ABCG8: variants seen among roughly 807,000 people sequenced by gnomAD.
ABCG8 encodes the protein ATP binding cassette subfamily G member 8.
Under a neutral mutation model 71.3 loss-of-function variants are expected in ABCG8, and 81 were observed. The ratio of observed to expected loss-of-function variants is 1.14; its 90% CI spans 0.95 to 1.37. The LOEUF is 1.37. Ranked by LOEUF, ABCG8 falls within the 40% of genes most tolerant of loss-of-function variation. The pLI is 0.00. For synonymous variants in ABCG8, 451 were observed against 354.7 expected (o/e 1.27, Z -3.05); for missense variants, 1,119 against 866.2 (o/e 1.29, Z -3.66).
chr2:43,861,707 C>T (rs1301696085), intron 6 of ABCG8, among the ~76,000 whole-genome samples: 2 of 149,838 alleles, frequency 1.3e-5, no homozygotes, highest in African/African-American at 2.4e-5. Flanking sequence ...ATAGAATTCT[C>T]ACTCCCCAGA....
rs1670137157 is a variant in ABCG8, at chr2:43,881,728, CA to C, written c.*3817del. The C allele has an allele frequency of 6.9e-6, 1 of 144,744 alleles. No individual in the cohort carries two copies. The highest frequency in any genetic ancestry group is 2.6e-5 in the African/African-American group (1 of 38,874). The allele number at this position is 144,744 out of a possible 1,614,324, so 9.0% of individuals were successfully genotyped here. On this transcript the variant is annotated 3_prime_UTR_variant, in exon 13 of 13. Transcript: ENST00000272286. ...GTCTCAAAAAAAAAAAAAAAAAACCCAAGGCTCTCGAGGCATGCATGCTGTT... is the reference window on the plus strand; with the variant it reads ...GTCTCAAAAAAAAAAAAAAAAAACCCAGGCTCTCGAGGCATGCATGCTGTT...
At chr2:43,873,753 G>C (rs770999783) in intron 8 of ABCG8, 34 bp from the exon 9 acceptor site, 3 of 1,610,100 alleles carry the variant, frequency 1.9e-6, no homozygotes, top group South Asian at 2.2e-5. Context: ...GGTGTATGCT[G>C]TTGCCTCAGC....
chr2:43,875,305 G>A lies in ABCG8; in HGVS notation c.1648G>A (p.Ala550Thr), dbSNP rs149441561. The A allele has an allele frequency of 1.6e-4, 264 of 1,614,094 alleles. No homozygotes were observed. Among genetic ancestry groups the A allele is most frequent in the Middle Eastern group, 1.2e-3 (7 of 6,062 alleles). ...FCCRIMALAA[A>T]ALLPTFHMAS... is the part of the protein sequence containing the mutation. Reference sequence around the variant, plus strand: ...TTGCAGGATTATGGCCCTGGCCGCCGCGGCCCTGCTCCCCACCTTCCACAT... The same window carrying A: ...TTGCAGGATTATGGCCCTGGCCGCCACGGCCCTGCTCCCCACCTTCCACAT... The change falls in exon 11 of 13, where the codon GCG becomes ACG. Residue 550 changes from alanine (A) to threonine (T), a missense_variant. Ala to Thr is a moderately conservative substitution (Grantham distance 58). Transcript: ENST00000272286.
At position 43,851,596 on chromosome 2, in the gene ABCG8, C is replaced by T; in HGVS notation, c.335C>T (p.Ala112Val). Residue 112 changes from alanine (A) to valine (V), a missense_variant, in exon 4 of 13, where the codon GCC (alanine) becomes GTC (valine). Coordinates refer to ENST00000272286, the MANE Select transcript of ABCG8 (RefSeq NM_022437.3). ...AIIGSSGCGR[A>V]SLLDVITGRG... ...GGTGGCTTTGCAGGTTGTGGGAGAG[C>T]CTCCTTGCTAGATGTGATCACTGGC... 3.1e-6 allele frequency: 5 copies of T among 1,614,226 alleles called. No homozygotes were observed. Among genetic ancestry groups the T allele is most frequent in the Non-Finnish European group, 4.2e-6 (5 of 1,180,038 alleles).
At chr2:43,839,386 CT>C (rs1233607640) in intron 1 of ABCG8, among the ~76,000 whole-genome samples, 1 of 83,648 alleles carries the variant, frequency 1.2e-5, no homozygotes, top group Non-Finnish European at 2.8e-5. Context: ...TTCACTTTTT[CT>C]TTTTTCTTTT....
chr2:43,879,965 A>C lies in ABCG8; in HGVS notation c.*2052A>C, dbSNP rs1032292364. ...AAACTATGTAAATTGTAAACTTTCCATTTATGCATTTTAAAATTTTGATTG... is the reference window on the plus strand; with the variant it reads ...AAACTATGTAAATTGTAAACTTTCCCTTTATGCATTTTAAAATTTTGATTG... On this transcript the variant is annotated 3_prime_UTR_variant, in exon 13 of 13. Transcript: ENST00000272286. 3.9e-5 allele frequency: 6 copies of C among 151,920 alleles called. No individual in the cohort carries two copies. Among genetic ancestry groups the C allele is most frequent in the African/African-American group, 1.5e-4 (6 of 41,364 alleles). The allele number at this position is 151,920 out of a possible 1,614,324, so 9.4% of individuals were successfully genotyped here. A position where few individuals can be genotyped will look rare whatever the true frequency, so the allele number is the denominator to read the frequency against.
At position 43,852,395 on chromosome 2, in the gene ABCG8, T is replaced by C. The variant is rs540084479; in HGVS notation, c.603T>C (p.Ala201=). The C allele has an allele frequency of 6.2e-7, 1 of 1,612,376 alleles. No individual in the cohort carries two copies. Among genetic ancestry groups the C allele is most frequent in the African/African-American group, 1.3e-5 (1 of 75,010 alleles). The change falls in exon 5 of 13, where the codon GCT becomes GCC. Residue 201 remains alanine, a synonymous_variant. Transcript: ENST00000272286. ...CGGAGCTGCGGCTTAGGCAGTGCGC[T>C]GACACCCGCGTGGGCAACATGTACG... ...VIAELRLRQC[A]DTRVGNMYVR... is the part of the protein sequence containing the mutation.
rs1234808274 is a variant in ABCG8, at chr2:43,873,879, A to G, written c.1304A>G (p.Tyr435Cys). Residue 435 changes from tyrosine to cysteine, a missense_variant, in exon 9 of 13, where the codon TAT (tyrosine) becomes TGT (cysteine). Transcript: ENST00000272286. ...ATGTCAATGACCATCGGCTTCCTCT[A>G]TTTTGGCCATGGGAGCATCCAGCTC... ...CLMSMTIGFL[Y>C]FGHGSIQLSF... 6 of 1,613,874 alleles carry G rather than the reference A, an allele frequency of 3.7e-6. No individual in the cohort carries two copies. The highest frequency in any genetic ancestry group is 3.3e-5 in the Admixed American group (2 of 59,984).
chr2:43,860,546 G>A (rs960434527), intron 6 of ABCG8, among the ~76,000 whole-genome samples: 1 of 151,230 alleles, frequency 6.6e-6, no homozygotes, highest in Admixed American at 6.6e-5. Context: ...TCACTCTCTC[G>A]ATTGAAGTCT....
At chr2:43,840,157 A>C (rs560619507) in intron 1 of ABCG8, among the ~76,000 whole-genome samples, 1 of 152,242 alleles carries the variant, frequency 6.6e-6, no homozygotes, top group African/African-American at 2.4e-5. Flanking sequence ...AGAGAAAGAC[A>C]AGCATGATCG....
Position 43,878,000 on chromosome 2 carries a change from G to A in ABCG8, c.*87G>A, listed in dbSNP as rs1284578965. 5.7e-6 allele frequency: 9 copies of A among 1,590,092 alleles called. No individual in the cohort carries two copies. In the East Asian group the frequency reaches 1.8e-4, roughly 32 times the overall value. On this transcript the variant is annotated 3_prime_UTR_variant, in exon 13 of 13. Coordinates refer to ENST00000272286, the MANE Select transcript of ABCG8 (RefSeq NM_022437.3). ...CCTCAGGAGCCCCTTCCTGGGGACAGTGAGGACAATGACCCTACAGATGCT... is the reference window on the plus strand; with the variant it reads ...CCTCAGGAGCCCCTTCCTGGGGACAATGAGGACAATGACCCTACAGATGCT...
At chr2:43,875,067 G>T (rs1355925633) in intron 10 of ABCG8, 79 bp from the exon 11 acceptor site, 3 of 1,592,680 alleles carry the variant, frequency 1.9e-6, no homozygotes, top group Admixed American at 1.7e-5. Context: ...CTATCTGGGG[G>T]CACTGCTACT....
chr2:43,848,955 G>A (rs1423764517), intron 3 of ABCG8, among the ~76,000 whole-genome samples: 1 of 150,678 alleles, frequency 6.6e-6, no homozygotes, highest in Non-Finnish European at 1.5e-5. Context: ...CCTGGAGGTG[G>A]AGGTTGCAGT....
chr2:43,857,394 T>A (rs1347672275), intron 6 of ABCG8, among the ~76,000 whole-genome samples: 1 of 151,630 alleles, frequency 6.6e-6, no homozygotes, highest in Admixed American at 6.6e-5. Context: ...ACTCTCACTA[T>A]CTATCTGGAT....
chr2:43,868,221 G>T (rs2104940554), intron 6 of ABCG8, among the ~76,000 whole-genome samples: 1 of 151,938 alleles, frequency 6.6e-6, no homozygotes, highest in Non-Finnish European at 1.5e-5. Context: ...CTCACCCTCT[G>T]GATAGACCTC....
Position 43,871,056 on chromosome 2 carries a change from T to A in ABCG8, c.965-920T>A, listed in dbSNP as rs551207229. ...TCACTATCTATCTGGATAGAATTCT[T>A]ACTCTAGATAGAACTCTCACTATCT... On this transcript the variant is annotated intron_variant, in intron 6 of 12. Coordinates refer to ENST00000272286, the MANE Select transcript of ABCG8 (RefSeq NM_022437.3). 1.9e-3 allele frequency among the ~76,000 whole-genome samples: 252 copies of A among 132,968 alleles called. 1 individual carries two copies. Among genetic ancestry groups the A allele is most frequent in the African/African-American group, 7.2e-3 (245 of 34,230 alleles). The allele number at this position is 132,968 out of a possible 152,430, so 87.2% of individuals were successfully genotyped here.
chr2:43,841,758 C>G (rs983285954), intron 1 of ABCG8, among the ~76,000 whole-genome samples: 41 of 152,172 alleles, frequency 2.7e-4, no homozygotes, highest in African/African-American at 9.9e-4. Flanking sequence ...GCTCCCTCCC[C>G]TTCTCAAAGC....
Position 43,881,876 on chromosome 2 carries a change from C to T in ABCG8, c.*3963C>T, listed in dbSNP as rs1445344212. On this transcript the variant is annotated 3_prime_UTR_variant, in exon 13 of 13. Coordinates refer to ENST00000272286, the MANE Select transcript of ABCG8 (RefSeq NM_022437.3). ...AGTAAATATTTGGGACTTCGTGGGCCTTATAGGCTCTGCTGCAATTACTTA... is the reference window on the plus strand; with the variant it reads ...AGTAAATATTTGGGACTTCGTGGGCTTTATAGGCTCTGCTGCAATTACTTA... 1.3e-5 allele frequency: 2 copies of T among 152,176 alleles called. No homozygotes were observed. The highest frequency in any genetic ancestry group is 1.5e-5 in the Non-Finnish European group (1 of 68,036). The allele number at this position is 152,176 out of a possible 1,614,324, so 9.4% of individuals were successfully genotyped here.
chr2:43,875,302 G>T lies in ABCG8; in HGVS notation c.1645G>T (p.Ala549Ser). 6.2e-7 allele frequency: 1 copy of T among 1,614,076 alleles called. No homozygotes were observed. Among genetic ancestry groups the T allele is most frequent in the South Asian group, 1.1e-5 (1 of 91,086 alleles). ...CTGTTGCAGGATTATGGCCCTGGCC[G>T]CCGCGGCCCTGCTCCCCACCTTCCA... is the stretch of plus-strand genomic sequence containing the variant. ...VFCCRIMALAAAALLPTFHMA... is the reference protein window; with the variant it reads ...VFCCRIMALASAALLPTFHMA... Residue 549 changes from alanine (A) to serine (S), a missense_variant, in exon 11 of 13, where the codon GCC (alanine) becomes TCC (serine). Coordinates refer to ENST00000272286, the MANE Select transcript of ABCG8 (RefSeq NM_022437.3).
Sources: allele counts gnomAD v4.1 joint callset (sites outside exome capture counted in the v4.1 genomes callset), GRCh38; gene constraint gnomAD v4.1.1; transcripts MANE v1.5; gene names NCBI Gene and HGNC (gene_info 2026-07-23, HGNC 2026-07-21).